The following SEC24A variants were observed in gnomAD, a reference collection of about 807,000 sequenced individuals.
SEC24A encodes SEC24 homolog A, COPII component, also known as protein transport protein Sec24A.
SEC24A carries 93 observed loss-of-function variants against 129.4 expected under a neutral mutation model. The ratio of observed to expected loss-of-function variants is 0.72; its 90% CI spans 0.61 to 0.85. The LOEUF (loss-of-function observed/expected upper bound fraction) is 0.85. SEC24A is among the 40% of genes least tolerant of loss of function. The probability of loss-of-function intolerance (pLI) is 0.00; values close to 1 mark genes in which losing one functional copy is unlikely to be tolerated. For synonymous variants in SEC24A, 460 were observed against 467.3 expected, an observed-to-expected ratio of 0.98 and a Z score of 0.20; for missense variants, 1,264 against 1,307.4, an observed-to-expected ratio of 0.97 and a Z score of 0.51.
chr5:134,680,622 C>T (rs951139814), intron 8 of SEC24A, among the ~76,000 whole-genome samples: 4 of 152,032 alleles, frequency 2.6e-5, no homozygotes, highest in African/African-American at 9.7e-5. Flanking sequence ...GCATGAGCCA[C>T]TGCACCCGGC....
chr5:134,673,266 G>A (rs1404996824), intron 4 of SEC24A, among the ~76,000 whole-genome samples: 1 of 151,530 alleles, frequency 6.6e-6, no homozygotes, highest in African/African-American at 2.4e-5. Context: ...ACGTTGGCCA[G>A]GATAGTCTCG....
chr5:134,705,515 A>G, intron 17 of SEC24A, 78 bp downstream of exon 17: 3 of 910,820 alleles, frequency 3.3e-6, no homozygotes, highest in Non-Finnish European at 5.2e-6. Context: ...TTTCCTTTAA[A>G]TAGTTAGCTT....
At chr5:134,690,512 G>T (rs1279411850) in intron 11 of SEC24A, among the ~76,000 whole-genome samples, 5 of 152,166 alleles carry the variant, frequency 3.3e-5, no homozygotes, top group Non-Finnish European at 7.3e-5. Flanking sequence ...GCAAGGTCTT[G>T]CTAAGTTGCA....
At chr5:134,709,624 A>G (rs2150108384) in intron 18 of SEC24A, among the ~76,000 whole-genome samples, 1 of 152,274 alleles carries the variant, frequency 6.6e-6, no homozygotes, top group East Asian at 1.9e-4. Flanking sequence ...GTGGGGCAGG[A>G]ATGGGGAGAT....
intron 1 of SEC24A, among the ~76,000 whole-genome samples, chr5:134,652,932 C>T (rs1420414803): frequency 9.3e-5 from 14 of 151,248 alleles, no homozygotes; most frequent in Admixed American, 9.2e-4. Flanking sequence ...GTAGCTGGGA[C>T]AATAGGTGCC....
Position 134,674,792 on chromosome 5 carries a change from T to C in SEC24A, c.978+17T>C. 1 of 1,608,702 alleles carries C rather than the reference T, an allele frequency of 6.2e-7. No individual in the cohort carries two copies. Among genetic ancestry groups the C allele is most frequent in the Non-Finnish European group, 8.5e-7 (1 of 1,177,456 alleles). ...TTTACTCAGGTAAACTTTTTGGGATTTTCTTTAACCTATTTCTCCATTTGG... is the reference window on the plus strand; with the variant it reads ...TTTACTCAGGTAAACTTTTTGGGATCTTCTTTAACCTATTTCTCCATTTGG... On this transcript the variant is annotated intron_variant, in intron 5 of 22. Coordinates refer to ENST00000398844, the MANE Select transcript of SEC24A (RefSeq NM_021982.3).
chr5:134,720,888 T>A, intron 20 of SEC24A, 110 bp from the exon 21 acceptor site: 1 of 570,714 alleles, frequency 1.8e-6, no homozygotes, highest in Non-Finnish European at 3.1e-6. Context: ...GGTGACAGAG[T>A]GAGACCCTAT....
At chr5:134,703,365 T>G (rs1380201030) in intron 15 of SEC24A, among the ~76,000 whole-genome samples, 3 of 152,012 alleles carry the variant, frequency 2.0e-5, no homozygotes, top group African/African-American at 7.2e-5. Context: ...CCTCCCGGGT[T>G]CAAGCAATTC....
intron 7 of SEC24A, 38 bp downstream of exon 7, chr5:134,676,163 G>A (rs753470501): frequency 6.5e-5 from 92 of 1,415,550 alleles, no homozygotes; most frequent in Middle Eastern, 1.9e-4. Flanking sequence ...TTTTTGAGAC[G>A]GAGTCTCCCT....
At chr5:134,673,895 A>G (rs1750962441) in intron 4 of SEC24A, among the ~76,000 whole-genome samples, 1 of 152,130 alleles carries the variant, frequency 6.6e-6, no homozygotes, top group Non-Finnish European at 1.5e-5. Context: ...TATCTTCGGG[A>G]GGCCAAGGCA....
chr5:134,698,182 TAAGAG>T, intron 15 of SEC24A, 125 bp downstream of exon 15: 1 of 762,578 alleles, frequency 1.3e-6, no homozygotes, highest in Non-Finnish European at 2.1e-6. Context: ...AATATGCAAT[TAAGAG>T]GAGAGAAGAA....
At chr5:134,667,086 C>T (rs1280745172) in intron 3 of SEC24A, 90 bp downstream of exon 3, 2 of 1,150,660 alleles carry the variant, frequency 1.7e-6, no homozygotes, top group African/African-American at 3.2e-5. Flanking sequence ...ATTAAAATCA[C>T]ATTTTTTCCA....
chr5:134,661,797 GT>G (rs796426791), intron 2 of SEC24A, among the ~76,000 whole-genome samples: 40 of 140,360 alleles, frequency 2.8e-4, no homozygotes, highest in East Asian at 8.3e-4. Context: ...CTCATTAGTA[GT>G]TTTTTTTTTC....
chr5:134,726,459 C>T lies in SEC24A; in HGVS notation c.*1365C>T. ...TTACAATCTTGGTCTTATATGATCACCAATGGAATAGTAACTTCCAGGTTT... is the reference window on the plus strand; with the variant it reads ...TTACAATCTTGGTCTTATATGATCATCAATGGAATAGTAACTTCCAGGTTT... On this transcript the variant is annotated 3_prime_UTR_variant, in exon 23 of 23. Coordinates refer to ENST00000398844, the MANE Select transcript of SEC24A (RefSeq NM_021982.3). 1 of 152,454 alleles carries T rather than the reference C, an allele frequency of 6.6e-6. No homozygotes were observed. Among genetic ancestry groups the T allele is most frequent in the South Asian group, 2.1e-4 (1 of 4,820 alleles). The allele number at this position is 152,454 out of a possible 1,614,324, so 9.4% of individuals were successfully genotyped here.
At chr5:134,716,485 A>C (rs1430384077) in intron 19 of SEC24A, among the ~76,000 whole-genome samples, 1 of 150,866 alleles carries the variant, frequency 6.6e-6, no homozygotes, top group East Asian at 2.0e-4. Flanking sequence ...AAAAAAAAAA[A>C]ACCTTTGAAA....
At chr5:134,671,771 A>T in intron 3 of SEC24A, 38 bp from the exon 4 acceptor site, 1 of 1,214,072 alleles carries the variant, frequency 8.2e-7, no homozygotes, top group Non-Finnish European at 1.2e-6. Flanking sequence ...TGTAATAATC[A>T]TTCTAATTAA....
chr5:134,707,528 A>G (rs1197700777), intron 17 of SEC24A, among the ~76,000 whole-genome samples: 3 of 151,704 alleles, frequency 2.0e-5, no homozygotes, highest in Non-Finnish European at 2.9e-5. Flanking sequence ...ACGGGGTTTC[A>G]CCATGTTAGC....
At chr5:134,722,712 C>T (rs879667635) in intron 21 of SEC24A, among the ~76,000 whole-genome samples, 11 of 152,142 alleles carry the variant, frequency 7.2e-5, no homozygotes, top group Admixed American at 1.3e-4. Flanking sequence ...CTAGAATATT[C>T]GTAGAAAATT....
At chr5:134,681,914 T>C (rs939863054) in intron 8 of SEC24A, among the ~76,000 whole-genome samples, 1 of 152,140 alleles carries the variant, frequency 6.6e-6, no homozygotes, top group African/African-American at 2.4e-5. Flanking sequence ...ACATTTCATA[T>C]GTGAAATGTT....
Sources: allele counts gnomAD v4.1 joint callset (sites outside exome capture counted in the v4.1 genomes callset), GRCh38; gene constraint gnomAD v4.1.1; transcripts MANE v1.5; gene names NCBI Gene and HGNC (gene_info 2026-07-23, HGNC 2026-07-21).